The following MTHFD2L variants were observed in gnomAD, a reference collection of about 807,000 sequenced individuals.
The protein encoded by MTHFD2L is methylenetetrahydrofolate dehydrogenase (NADP+ dependent) 2 like.
A neutral mutation model predicts 34.9 loss-of-function variants in MTHFD2L; 29 were observed. That is an observed-to-expected ratio of 0.83 (90% CI 0.62 to 1.13). The LOEUF is 1.13. MTHFD2L is among the 50% of genes most tolerant of loss of function. The probability of loss-of-function intolerance (pLI) is 0.00; values close to 1 mark genes in which losing one functional copy is unlikely to be tolerated. For missense variants in MTHFD2L, 481 were observed against 446.5 expected (o/e 1.08, Z -0.70); for synonymous variants, 167 against 155.7 (o/e 1.07, Z -0.54).
rs77020635 is a variant in MTHFD2L at position 74,206,134 on chromosome 4, T to TAA, written c.712+4777_712+4778dup. On this transcript the variant is annotated intron_variant, in intron 5 of 7. Transcript: ENST00000325278. ...CAGTAACTTTATTAACCAAAACTAG[T>TAA]AAAAAAAAAAAAAAGGGAAGCAGCC... 5.9e-4 allele frequency among the ~76,000 whole-genome samples: 74 copies of TAA among 126,426 alleles called. 1 individual carries two copies. Among genetic ancestry groups the TAA allele is most frequent in the South Asian group, 3.3e-3 (13 of 3,960 alleles). The allele number at this position is 126,426 out of a possible 152,430, so 82.9% of individuals were successfully genotyped here. A position where few individuals can be genotyped will look rare whatever the true frequency, so the allele number is the denominator to read the frequency against.
Position 74,293,011 on chromosome 4 carries a change from G to C in MTHFD2L, c.932-8686G>C, listed in dbSNP as rs553500011. Among the ~76,000 whole-genome samples the C allele has an allele frequency of 1.1e-4, 16 of 152,022 alleles. No individual in the cohort carries two copies. The South Asian group carries it at 3.3e-3, about 32-fold the overall frequency. Reference sequence around the variant, plus strand: ...TGGTATTTTTTTCTAAGTGGTATGAGTGGTATTTATTTTGTTTTTTATGGT... The same window carrying C: ...TGGTATTTTTTTCTAAGTGGTATGACTGGTATTTATTTTGTTTTTTATGGT... On this transcript the variant is annotated intron_variant, in intron 7 of 7. Coordinates refer to ENST00000325278, the MANE Select transcript of MTHFD2L (RefSeq NM_001144978.3).
chr4:74,166,000 A>G (rs1726613729), intron 1 of MTHFD2L, among the ~76,000 whole-genome samples: 1 of 152,242 alleles, frequency 6.6e-6, no homozygotes, highest in Non-Finnish European at 1.5e-5. Context: ...TCTCAATTGT[A>G]TTCCAATGTT....
At chr4:74,274,356 A>G (rs193026498) in intron 6 of MTHFD2L, among the ~76,000 whole-genome samples, 9 of 152,220 alleles carry the variant, frequency 5.9e-5, no homozygotes, top group Non-Finnish European at 8.8e-5. Context: ...TTCATAGAAG[A>G]CAAAATAAAT....
At chr4:74,183,193 G>A (rs1451691957) in intron 3 of MTHFD2L, 1 of 151,996 alleles carries the variant, frequency 6.6e-6, no homozygotes, top group Non-Finnish European at 1.5e-5. Context: ...ATGCAAGCAA[G>A]AAGACAATAG....
chr4:74,225,725 G>C (rs1440248836), intron 6 of MTHFD2L, among the ~76,000 whole-genome samples: 1 of 152,088 alleles, frequency 6.6e-6, no homozygotes, highest in Non-Finnish European at 1.5e-5. Context: ...TAGCTATGGA[G>C]AACAATAAAA....
chr4:74,249,583 C>T (rs912591106), intron 6 of MTHFD2L, among the ~76,000 whole-genome samples: 2 of 152,054 alleles, frequency 1.3e-5, no homozygotes, highest in Non-Finnish European at 2.9e-5. Flanking sequence ...TCTTGATGGT[C>T]TTTACATTTT....
In MTHFD2L at chr4:74,167,113, G is replaced by A. The variant is rs184135117; in HGVS notation, c.144-7393G>A. Among the ~76,000 whole-genome samples the A allele has an allele frequency of 5.9e-5, 9 of 152,268 alleles. No homozygotes were observed. In the East Asian group the frequency reaches 1.7e-3, roughly 29 times the overall value. On this transcript the variant is annotated intron_variant, in intron 1 of 7. Coordinates refer to ENST00000325278, the MANE Select transcript of MTHFD2L (RefSeq NM_001144978.3). Reference sequence around the variant, plus strand: ...CAGGACTACTCCTATATACCCAGTTGACAGCCCACCCCAGTGGACCCATGC... The same window carrying A: ...CAGGACTACTCCTATATACCCAGTTAACAGCCCACCCCAGTGGACCCATGC...
At chr4:74,150,856 C>T (rs1432545734) in intron 1 of MTHFD2L, among the ~76,000 whole-genome samples, 2 of 151,636 alleles carry the variant, frequency 1.3e-5, no homozygotes, top group Non-Finnish European at 2.9e-5. Flanking sequence ...CAATGTCTAA[C>T]AATTACCATG....
chr4:74,164,269 C>T (rs929003882), intron 1 of MTHFD2L, among the ~76,000 whole-genome samples: 2 of 152,078 alleles, frequency 1.3e-5, no homozygotes, highest in East Asian at 3.9e-4. Flanking sequence ...TATGGATTTG[C>T]CAAGTATACG....
chr4:74,234,355 A>C (rs986089330), intron 6 of MTHFD2L, among the ~76,000 whole-genome samples: 3 of 152,064 alleles, frequency 2.0e-5, no homozygotes, highest in African/African-American at 7.2e-5. Context: ...TATATTTTCA[A>C]TCTACCTGTT....
intron 1 of MTHFD2L, among the ~76,000 whole-genome samples, chr4:74,150,031 G>A (rs1034243961): frequency 3.3e-5 from 5 of 152,118 alleles, no homozygotes; most frequent in Non-Finnish European, 5.9e-5. Context: ...AGAAATAATG[G>A]AAGAAGAGTA....
rs891972369 is a variant in MTHFD2L at position 74,245,598 on chromosome 4, G to A, written c.805+20204G>A. ...CCCATTAACTCGTCATTTAGCATTA[G>A]GTATATCTCCTAATGCTATCCCTCC... is the stretch of plus-strand genomic sequence containing the variant. On this transcript the variant is annotated intron_variant, in intron 6 of 7. Transcript: ENST00000325278. Among the ~76,000 whole-genome samples, 3 of 151,948 alleles carry A rather than the reference G, an allele frequency of 2.0e-5. No homozygotes were observed. The East Asian group carries it at 5.8e-4, about 29-fold the overall frequency.
At chr4:74,239,675 A>C (rs1049986059) in intron 6 of MTHFD2L, among the ~76,000 whole-genome samples, 6 of 152,166 alleles carry the variant, frequency 3.9e-5, no homozygotes, top group Non-Finnish European at 8.8e-5. Flanking sequence ...CAAATAACTC[A>C]TAGTTTTTCT....
At chr4:74,227,413 A>C (rs969776150) in intron 6 of MTHFD2L, among the ~76,000 whole-genome samples, 1 of 152,100 alleles carries the variant, frequency 6.6e-6, no homozygotes, top group South Asian at 2.1e-4. Context: ...TTTCATTACT[A>C]TATGGGGTGG....
intron 6 of MTHFD2L, 136 bp downstream of exon 6, chr4:74,225,530 C>G: frequency 1.5e-6 from 1 of 671,880 alleles, no homozygotes; most frequent in Middle Eastern, 2.7e-4. Context: ...GATTCTGTCT[C>G]TTGGCAATCA....
At chr4:74,200,256 G>A (rs1047726543) in intron 4 of MTHFD2L, among the ~76,000 whole-genome samples, 1 of 151,984 alleles carries the variant, frequency 6.6e-6, no homozygotes, top group African/African-American at 2.4e-5. Flanking sequence ...AGCTTGCAGT[G>A]AGCCGAGATC....
In MTHFD2L at chr4:74,256,337, C is replaced by G. The variant is rs569450204; in HGVS notation, c.806-25088C>G. Among the ~76,000 whole-genome samples the G allele has an allele frequency of 6.6e-5, 10 of 152,190 alleles. No homozygotes were observed. The East Asian group carries it at 1.7e-3, about 26-fold the overall frequency. ...TGTTGGCCAGGCTGGTCTTGAACTC[C>G]TGACCTCAAGTGATCTGCCTGTCTC... On this transcript the variant is annotated intron_variant, in intron 6 of 7. Transcript: ENST00000325278.
At chr4:74,134,107 T>C (rs1722739702) in intron 1 of MTHFD2L, among the ~76,000 whole-genome samples, 1 of 152,162 alleles carries the variant, frequency 6.6e-6, no homozygotes, top group African/African-American at 2.4e-5. Context: ...AGCTTTCCCA[T>C]CTTCTTCGGT....
intron 3 of MTHFD2L, among the ~76,000 whole-genome samples, chr4:74,192,134 T>C (rs1258924066): frequency 6.6e-6 from 1 of 152,012 alleles, no homozygotes; most frequent in East Asian, 1.9e-4. Flanking sequence ...AAAAAATATA[T>C]ATAATAAATA....
Sources: gnomAD v4.1 joint callset for allele counts (sites outside exome capture counted in the v4.1 genomes callset) on GRCh38, gnomAD v4.1.1 for gene constraint, MANE v1.5 for transcripts, NCBI Gene and HGNC (gene_info 2026-07-23, HGNC 2026-07-21) for gene names.